The following NT5DC3 variants were observed in gnomAD, a reference collection of about 807,000 sequenced individuals.
The protein encoded by NT5DC3 is 5'-nucleotidase domain-containing protein 3.
In NT5DC3, 42 loss-of-function variants were observed where a neutral mutation model predicts 67.8. The observed-to-expected ratio is 0.62, with a 90% CI of 0.48 to 0.80. The LOEUF (loss-of-function observed/expected upper bound fraction) is 0.80. NT5DC3 is among the 30% of genes least tolerant of loss of function. The probability of loss-of-function intolerance (pLI) is 0.00; values close to 1 mark genes in which losing one functional copy is unlikely to be tolerated. For synonymous variants in NT5DC3, 237 were observed against 255.6 expected (o/e 0.93, Z 0.69); for missense variants, 570 against 696.4 (o/e 0.82, Z 2.04).
chr12:103,798,811 G>T, intron 4 of NT5DC3, 134 bp from the exon 5 acceptor site: 1 of 629,022 alleles, frequency 1.6e-6, no homozygotes. Flanking sequence ...TGTGCCACAA[G>T]TAAATGCCAC....
At chr12:103,812,829 G>A (rs1220340180) in intron 2 of NT5DC3, among the ~76,000 whole-genome samples, 2 of 152,162 alleles carry the variant, frequency 1.3e-5, no homozygotes, top group Non-Finnish European at 2.9e-5. Context: ...AGAAACAATA[G>A]TATTAGTATT....
the NT5DC3 span, chr12:103,757,896 G>T: frequency 2.2e-6 from 1 of 451,140 alleles, no homozygotes; most frequent in Non-Finnish European, 4.1e-6. Flanking sequence ...GAGAAGACTC[G>T]AGATTTGATG....
chr12:103,825,237 A>G (rs924267999), intron 1 of NT5DC3, among the ~76,000 whole-genome samples: 2 of 152,260 alleles, frequency 1.3e-5, no homozygotes, highest in South Asian at 2.1e-4. Context: ...AATGCACATG[A>G]CATTTATACT....
At position 103,773,798 on chromosome 12, in the gene NT5DC3, C is replaced by T. The variant is rs1885251784; in HGVS notation, c.*4031G>A. Reference sequence around the variant, plus strand: ...TTTGAGAAGAGGACAGAAGAAAAGCCACTTAGTTTGCCCAAAGCTAAATTA... The same window carrying T: ...TTTGAGAAGAGGACAGAAGAAAAGCTACTTAGTTTGCCCAAAGCTAAATTA... On this transcript the variant is annotated 3_prime_UTR_variant, in exon 14 of 14. Transcript: ENST00000392876. The T allele has an allele frequency of 6.6e-6, 1 of 152,584 alleles. No individual in the cohort carries two copies. The highest frequency in any genetic ancestry group is 1.5e-5 in the Non-Finnish European group (1 of 68,022). 9.5% of individuals were successfully genotyped at this position (152,584 alleles called of 1,614,324 possible).
At chr12:103,813,346 C>G (rs750840035) in intron 2 of NT5DC3, among the ~76,000 whole-genome samples, 3 of 152,158 alleles carry the variant, frequency 2.0e-5, no homozygotes, top group African/African-American at 2.4e-5. Flanking sequence ...CTTGAACAAA[C>G]GAGACCTGCT....
At chr12:103,839,657 T>C (rs754552299) in intron 1 of NT5DC3, among the ~76,000 whole-genome samples, 120 of 152,154 alleles carry the variant, frequency 7.9e-4, no homozygotes, top group Admixed American at 1.8e-3. Context: ...ATTCCTTTCA[T>C]CTCTTAAGAC....
chr12:103,822,565 T>C (rs1411137828), intron 1 of NT5DC3, among the ~76,000 whole-genome samples: 1 of 152,244 alleles, frequency 6.6e-6, no homozygotes, highest in African/African-American at 2.4e-5. Flanking sequence ...AGAAATAAAG[T>C]AAGAAGTCAT....
chr12:103,822,981 A>C lies in NT5DC3; in HGVS notation c.209-7860T>G, dbSNP rs1057451709. On this transcript the variant is annotated intron_variant, in intron 1 of 13. Transcript: ENST00000392876. Reference sequence around the variant, plus strand: ...TTGAACTCAGAAACCCTACTATGTTAGCAAGAATATGATCAGAGAAGGTGA... The same window carrying C: ...TTGAACTCAGAAACCCTACTATGTTCGCAAGAATATGATCAGAGAAGGTGA... Among the ~76,000 whole-genome samples the C allele has an allele frequency of 1.6e-4, 24 of 152,318 alleles. No homozygotes were observed. In the South Asian group the frequency reaches 1.7e-3, roughly 11 times the overall value.
At chr12:103,820,195 A>C (rs537813701) in intron 1 of NT5DC3, among the ~76,000 whole-genome samples, 1 of 152,354 alleles carries the variant, frequency 6.6e-6, no homozygotes, top group African/African-American at 2.4e-5. Context: ...GTTATGAATA[A>C]TGCTGCTATG....
intron 5 of NT5DC3, 72 bp downstream of exon 5, chr12:103,798,515 A>C: frequency 1.0e-6 from 1 of 987,176 alleles, no homozygotes; most frequent in Non-Finnish European, 1.6e-6. Context: ...TATAAGCAGT[A>C]GGTAAGTTCG....
intron 2 of NT5DC3, among the ~76,000 whole-genome samples, chr12:103,808,234 T>C (rs1287966579): frequency 6.6e-6 from 1 of 152,176 alleles, no homozygotes; most frequent in Non-Finnish European, 1.5e-5. Context: ...CATCAGAGGT[T>C]CTGAATGAAA....
chr12:103,768,009 A>G (rs1885057877), downstream of NT5DC3, among the ~76,000 whole-genome samples: 1 of 149,486 alleles, frequency 6.7e-6, no homozygotes, highest in Non-Finnish European at 1.5e-5. Flanking sequence ...AATAGCTTGA[A>G]CCCAGGAGGC....
chr12:103,764,836 G>C, the NT5DC3 span, among the ~76,000 whole-genome samples: 1 of 152,010 alleles, frequency 6.6e-6, no homozygotes, highest in Non-Finnish European at 1.5e-5. Flanking sequence ...AGTGGCTCAT[G>C]CGTGTAATCC....
downstream of NT5DC3, chr12:103,768,919 C>T (rs1188331027): frequency 6.6e-6 from 1 of 151,752 alleles, no homozygotes; most frequent in Non-Finnish European, 1.5e-5. Context: ...AGGGTTGATT[C>T]CACTCAGAGC....
chr12:103,814,881 G>A, intron 2 of NT5DC3, 56 bp downstream of exon 2: 1 of 1,378,928 alleles, frequency 7.3e-7, no homozygotes, highest in Non-Finnish European at 9.9e-7. Context: ...GTCAGCTCAA[G>A]GCTGTTCTAA....
the NT5DC3 span, chr12:103,759,207 C>T: frequency 6.2e-7 from 1 of 1,614,192 alleles, no homozygotes; most frequent in Non-Finnish European, 8.5e-7. Context: ...TTGTCAATGG[C>T]ACCACCCTGC....
At chr12:103,753,383 G>A in the NT5DC3 span, 1 of 1,613,938 alleles carries the variant, frequency 6.2e-7, no homozygotes, top group East Asian at 2.2e-5. Context: ...ATTCTGTGCA[G>A]ACAGAGTCTG....
intron 4 of NT5DC3, among the ~76,000 whole-genome samples, chr12:103,804,350 G>A (rs545390141): frequency 2.0e-5 from 3 of 152,272 alleles, no homozygotes; most frequent in Non-Finnish European, 4.4e-5. Context: ...GTATACCCAT[G>A]ACAAGAACTG....
At chr12:103,762,457 C>T in the NT5DC3 span, 1 of 1,612,806 alleles carries the variant, frequency 6.2e-7, no homozygotes, top group Non-Finnish European at 8.5e-7. Flanking sequence ...AACCCAGTCC[C>T]TGGACCTGGG....
Sources: gnomAD v4.1 joint callset for allele counts (sites outside exome capture counted in the v4.1 genomes callset) on GRCh38, gnomAD v4.1.1 for gene constraint, MANE v1.5 for transcripts, NCBI Gene and HGNC (gene_info 2026-07-23, HGNC 2026-07-21) for gene names.